The following CDKL3 variants were observed in gnomAD, a reference collection of about 807,000 sequenced individuals.
The protein encoded by CDKL3 is cyclin dependent kinase like 3.
A neutral mutation model predicts 69.3 loss-of-function variants in CDKL3; 65 were observed. That is an observed-to-expected ratio of 0.94 (90% CI 0.77 to 1.15). CDKL3 has a LOEUF of 1.15. Ranked by LOEUF, CDKL3 falls within the 50% of genes most tolerant of loss-of-function variation. CDKL3 has a pLI of 0.00. For synonymous variants in CDKL3, 202 were observed against 221.6 expected, an observed-to-expected ratio of 0.91 and a Z score of 0.79; for missense variants, 652 against 689.2, an observed-to-expected ratio of 0.95 and a Z score of 0.61.
At chr5:134,337,746 G>C (rs986303718) in intron 4 of CDKL3, among the ~76,000 whole-genome samples, 2 of 152,110 alleles carry the variant, frequency 1.3e-5, no homozygotes, top group African/African-American at 4.8e-5. Flanking sequence ...AAGCATCAAT[G>C]CTTTCACCAT....
At chr5:134,370,172 C>G (rs182733640), upstream of CDKL3, among the ~76,000 whole-genome samples, 2 of 152,206 alleles carry the variant, frequency 1.3e-5, no homozygotes, top group African/African-American at 4.8e-5. Context: ...TGTTAAGGTC[C>G]TCATTCCACC....
chr5:134,315,236 TTTTGCAAACATA>T (rs2149467057), intron 6 of CDKL3, among the ~76,000 whole-genome samples: 1 of 152,232 alleles, frequency 6.6e-6, no homozygotes, highest in African/African-American at 2.4e-5. Flanking sequence ...ATATTGCAAG[TTTTGCAAACATA>T]TTGCAAAACT....
chr5:134,299,239 C>T (rs1765732768), intron 12 of CDKL3, among the ~76,000 whole-genome samples: 1 of 152,178 alleles, frequency 6.6e-6, no homozygotes, highest in Non-Finnish European at 1.5e-5. Context: ...CAGTGTAAAG[C>T]CAAACCCATG....
intron 12 of CDKL3, among the ~76,000 whole-genome samples, chr5:134,301,846 C>T (rs1054517510): frequency 1.3e-5 from 2 of 152,134 alleles, no homozygotes; most frequent in African/African-American, 4.8e-5. Context: ...GAGATCGCGC[C>T]ACTGCACTCC....
chr5:134,362,039 A>G (rs1015924844), intron 2 of CDKL3, among the ~76,000 whole-genome samples: 27 of 152,358 alleles, frequency 1.8e-4, no homozygotes, highest in African/African-American at 6.3e-4. Context: ...AGCATTGTAG[A>G]AGATCCATTC....
At chr5:134,320,685 C>T (rs1772494530) in intron 5 of CDKL3, among the ~76,000 whole-genome samples, 1 of 151,832 alleles carries the variant, frequency 6.6e-6, no homozygotes, top group South Asian at 2.1e-4. Context: ...ACCATCCTGG[C>T]TAACACAGTG....
chr5:134,357,950 G>A (rs530857259), intron 3 of CDKL3, among the ~76,000 whole-genome samples: 14 of 152,280 alleles, frequency 9.2e-5, no homozygotes, highest in African/African-American at 3.4e-4. Context: ...GTGGTGGCAT[G>A]TGCCTGTAGT....
At chr5:134,338,880 A>G (rs1404819996) in intron 4 of CDKL3, among the ~76,000 whole-genome samples, 1 of 151,926 alleles carries the variant, frequency 6.6e-6, no homozygotes, top group East Asian at 1.9e-4. Context: ...GGGGTCGGGC[A>G]CGGTGGCTCA....
In CDKL3 at chr5:134,304,491, A is replaced by G. The variant is rs1767209106; in HGVS notation, c.1535T>C (p.Leu512Pro). 3 of 1,612,932 alleles carry G rather than the reference A, an allele frequency of 1.9e-6. No homozygotes were observed. Among genetic ancestry groups the G allele is most frequent in the Non-Finnish European group, 1.7e-6 (2 of 1,179,446 alleles). ...DQMANENKRK[L>P]NFSRSDRKEF... ...TTTCCTGTCAGATCTGGAAAAATTC[A>G]GCTTCCTTTTGTTCTCATTTGCCAT... Residue 512 changes from leucine (L) to proline (P), a missense_variant, in exon 11 of 13, where the codon CTG becomes CCG. Leu to Pro is a moderately conservative substitution (Grantham distance 98, BLOSUM62 -3). Coordinates refer to ENST00000265334, the MANE Select transcript of CDKL3 (RefSeq NM_001113575.2).
chr5:134,294,252 G>A (rs929533020), downstream of CDKL3, among the ~76,000 whole-genome samples: 3 of 151,994 alleles, frequency 2.0e-5, no homozygotes, highest in African/African-American at 7.3e-5. Context: ...AATGAAGGAG[G>A]AAAATCATAA....
At chr5:134,327,364 A>G (rs1314910143) in intron 4 of CDKL3, among the ~76,000 whole-genome samples, 1 of 152,190 alleles carries the variant, frequency 6.6e-6, no homozygotes, top group Non-Finnish European at 1.5e-5. Context: ...GAGCAACAGT[A>G]TAACTTAGAG....
At chr5:134,322,957 C>A (rs1282102472) in intron 4 of CDKL3, among the ~76,000 whole-genome samples, 7 of 140,932 alleles carry the variant, frequency 5.0e-5, no homozygotes, top group Non-Finnish European at 7.6e-5. Flanking sequence ...CTAGCCTGGG[C>A]AACAAGAGCA....
At chr5:134,285,875 G>A (rs1376994269), downstream of CDKL3, among the ~76,000 whole-genome samples, 2 of 152,202 alleles carry the variant, frequency 1.3e-5, no homozygotes, top group Non-Finnish European at 2.9e-5. Flanking sequence ...TGTAATCCCA[G>A]CACTTTGGGA....
In CDKL3 at chr5:134,308,589, A is replaced by C; in HGVS notation, c.1020T>G (p.Ser340Arg). ...KTVYTNTLLS[S>R]SVLGKEIEKE... ...AAGTTCTTACCTTTCCCAAAACTGAACTACTTAGCAGTGTATTGGTATAAA... is the reference window on the plus strand; with the variant it reads ...AAGTTCTTACCTTTCCCAAAACTGACCTACTTAGCAGTGTATTGGTATAAA... Residue 340 changes from serine to arginine, a missense_variant, in exon 8 of 13, where the codon AGT (serine) becomes AGG (arginine). By Grantham distance (110) the Ser-to-Arg change is moderately radical (BLOSUM62 -1). Transcript: ENST00000265334. The C allele has an allele frequency of 6.3e-7, 1 of 1,582,018 alleles. No homozygotes were observed.
chr5:134,347,580 A>G (rs998942215), intron 4 of CDKL3, among the ~76,000 whole-genome samples: 1 of 151,948 alleles, frequency 6.6e-6, no homozygotes, highest in African/African-American at 2.4e-5. Context: ...AAAAAGGAAT[A>G]AAGTGCTGGC....
chr5:134,284,675 G>A (rs1486582269), downstream of CDKL3, among the ~76,000 whole-genome samples: 2 of 152,190 alleles, frequency 1.3e-5, no homozygotes, highest in African/African-American at 4.8e-5. Flanking sequence ...GATACTCCCA[G>A]AGCAGCCATT....
At chr5:134,318,477 AGTT>A (rs1238435759) in intron 6 of CDKL3, among the ~76,000 whole-genome samples, 3 of 151,710 alleles carry the variant, frequency 2.0e-5, no homozygotes, top group Admixed American at 2.0e-4. Context: ...GAATTTCTCC[AGTT>A]TTTTGTTTGT....
intron 3 of CDKL3, 133 bp from the exon 4 acceptor site, chr5:134,350,560 T>G (rs1752995786): frequency 3.2e-6 from 2 of 632,422 alleles, no homozygotes; most frequent in Admixed American, 3.0e-5. Flanking sequence ...AAGGATTAAT[T>G]ACACAATGCA....
At chr5:134,318,720 C>T (rs1377198359) in intron 6 of CDKL3, among the ~76,000 whole-genome samples, 1 of 151,966 alleles carries the variant, frequency 6.6e-6, no homozygotes, top group Non-Finnish European at 1.5e-5. Flanking sequence ...CTCCTGACCT[C>T]GTGATCAGCC....
Sources: gnomAD v4.1 joint callset for allele counts (sites outside exome capture counted in the v4.1 genomes callset) on GRCh38, gnomAD v4.1.1 for gene constraint, MANE v1.5 for transcripts, NCBI Gene and HGNC (gene_info 2026-07-23, HGNC 2026-07-21) for gene names.